HIVEP2: variants seen among roughly 807,000 people sequenced by gnomAD.
HIVEP2 encodes HIVEP zinc finger 2, also known as transcription factor HIVEP2.
In HIVEP2, 14 loss-of-function variants were observed where a neutral mutation model predicts 180.7. The observed-to-expected ratio is 0.08, with a 90% confidence interval of 0.05 to 0.12. HIVEP2 has a LOEUF of 0.12. Among genes scored for constraint, HIVEP2 ranks in the 10% least tolerant of loss-of-function variants. HIVEP2 has a pLI of 1.00. For missense variants in HIVEP2, 2,579 were observed against 3,008.5 expected, an observed-to-expected ratio of 0.86 and a Z score of 3.34; for synonymous variants, 1,184 against 1,136.4, an observed-to-expected ratio of 1.04 and a Z score of -0.84.
chr6:142,844,702 C>T (rs533193331), intron 1 of HIVEP2, among the ~76,000 whole-genome samples: 1 of 152,260 alleles, frequency 6.6e-6, no homozygotes, highest in African/African-American at 2.4e-5. Context: ...TGTAACACTG[C>T]GATTGGGCCG....
In HIVEP2 at chr6:142,773,717, C is replaced by A; in HGVS notation, c.1022G>T (p.Ser341Ile). 5 of 1,614,022 alleles carry A rather than the reference C, an allele frequency of 3.1e-6. No individual in the cohort carries two copies. The highest frequency in any genetic ancestry group is 3.3e-5 in the Admixed American group (2 of 60,012). The stretch of plus-strand genomic sequence containing the variant: ...CATATCAGGGCCAATATACTGAGAG[C>A]TTTCATTAGGGAGAGGAATCCCACT... ...PKSGIPLPNESSQYIGPDMLP... is the reference protein window; with the variant it reads ...PKSGIPLPNEISQYIGPDMLP... Residue 341 changes from serine (S) to isoleucine (I), a missense_variant, in exon 5 of 10, where the codon AGC (serine) becomes ATC (isoleucine). Ser to Ile is a moderately radical substitution (Grantham distance 142). This residue lies in a region of HIVEP2 where 142 missense variants were observed against 135.2 expected (regional missense o/e 1.05). Transcript: ENST00000367603.
rs530620703 is a variant in HIVEP2, at chr6:142,853,761, G to C, written c.-640-16714C>G. On this transcript the variant is annotated intron_variant, in intron 1 of 9. Transcript: ENST00000367603. The stretch of plus-strand genomic sequence containing the variant: ...GATGGGCCAGGGGCATCAGTAGGAA[G>C]AATCTCAGTGGCTCTTGTCTTTTGT... Among the ~76,000 whole-genome samples the C allele has an allele frequency of 2.0e-5, 3 of 152,334 alleles. No homozygotes were observed. The East Asian group carries it at 5.8e-4, about 29-fold the overall frequency.
intron 1 of HIVEP2, among the ~76,000 whole-genome samples, chr6:142,891,391 T>C (rs1776857619): frequency 6.6e-6 from 1 of 150,548 alleles, no homozygotes; most frequent in Non-Finnish European, 1.5e-5. Context: ...TCATCATACA[T>C]ATGTATGTTT....
At chr6:142,757,863 A>G (rs1731259175) in intron 9 of HIVEP2, among the ~76,000 whole-genome samples, 1 of 152,194 alleles carries the variant, frequency 6.6e-6, no homozygotes. Flanking sequence ...ATAAATTTTT[A>G]CAACCACAGC....
At chr6:142,918,609 CGTG>C (rs1777617412) in intron 1 of HIVEP2, among the ~76,000 whole-genome samples, 1 of 152,194 alleles carries the variant, frequency 6.6e-6, no homozygotes, top group African/African-American at 2.4e-5. Context: ...CTCTTCAGAA[CGTG>C]ATACCCTGAA....
At chr6:142,853,810 C>T (rs1775750918) in intron 1 of HIVEP2, among the ~76,000 whole-genome samples, 1 of 152,060 alleles carries the variant, frequency 6.6e-6, no homozygotes, top group Admixed American at 6.5e-5. Flanking sequence ...GTGGTCCAGG[C>T]ATTGGTAGCA....
At chr6:142,837,362 TG>T (rs2114881552) in intron 1 of HIVEP2, among the ~76,000 whole-genome samples, 1 of 152,086 alleles carries the variant, frequency 6.6e-6, no homozygotes, top group South Asian at 2.1e-4. Flanking sequence ...AAATTAGAGA[TG>T]GGGGAAAATG....
intron 2 of HIVEP2, among the ~76,000 whole-genome samples, chr6:142,800,696 G>A (rs1293486577): frequency 1.3e-5 from 2 of 152,138 alleles, no homozygotes; most frequent in South Asian, 4.2e-4. Flanking sequence ...GAATTTGAGA[G>A]GCTTAGGAGG....
chr6:142,760,434 C>T lies in HIVEP2; in HGVS notation c.5854G>A (p.Ala1952Thr), dbSNP rs140908741. 1.6e-4 allele frequency: 253 copies of T among 1,614,118 alleles called. 5 individuals carry two copies. Among genetic ancestry groups the T allele is most frequent in the African/African-American group, 1.3e-3 (95 of 75,020 alleles). ...RFSSLPVNVG[A>T]VPHGVPSDSS... ...TCTGAAGGAACCCCGTGGGGTACGGCGCCAACATTCACAGGCAAGGAGGAG... is the reference window on the plus strand; with the variant it reads ...TCTGAAGGAACCCCGTGGGGTACGGTGCCAACATTCACAGGCAAGGAGGAG... Residue 1952 changes from alanine to threonine, a missense_variant, in exon 9 of 10, where the codon GCC (alanine) becomes ACC (threonine). By Grantham distance (58) the Ala-to-Thr change is moderately conservative (BLOSUM62 0). Transcript: ENST00000367603.
intron 1 of HIVEP2, among the ~76,000 whole-genome samples, chr6:142,859,225 A>T (rs1775905510): frequency 6.6e-6 from 1 of 152,118 alleles, no homozygotes. Flanking sequence ...AGGCATAGCA[A>T]TAAGACTTAC....
rs773788055 is a variant in HIVEP2 at position 142,760,430 on chromosome 6, A to G, written c.5858T>C (p.Val1953Ala). The stretch of plus-strand genomic sequence containing the variant: ...ACTATCTGAAGGAACCCCGTGGGGT[A>G]CGGCGCCAACATTCACAGGCAAGGA... ...FSSLPVNVGAVPHGVPSDSSL... is the reference protein window; with the variant it reads ...FSSLPVNVGAAPHGVPSDSSL... Residue 1953 changes from valine to alanine, a missense_variant, in exon 9 of 10, where the codon GTA (valine) becomes GCA (alanine). This residue lies in a region of HIVEP2 where 660 missense variants were observed against 731.7 expected (regional missense o/e 0.90). Coordinates refer to ENST00000367603, the MANE Select transcript of HIVEP2 (RefSeq NM_006734.4). 1 of 1,614,146 alleles carries G rather than the reference A, an allele frequency of 6.2e-7. No individual in the cohort carries two copies. Among genetic ancestry groups the G allele is most frequent in the Admixed American group, 1.7e-5 (1 of 60,018 alleles).
intron 1 of HIVEP2, among the ~76,000 whole-genome samples, chr6:142,909,452 T>C (rs1363787948): frequency 1.3e-5 from 2 of 152,164 alleles, no homozygotes; most frequent in East Asian, 1.9e-4. Context: ...TAAGACAATT[T>C]AAATATAAAC....
intron 6 of HIVEP2, among the ~76,000 whole-genome samples, chr6:142,767,411 TC>T (rs1775404334): frequency 6.6e-6 from 1 of 152,166 alleles, no homozygotes; most frequent in African/African-American, 2.4e-5. Flanking sequence ...ATAATCCATC[TC>T]CAAACCGGTA....
At chr6:142,868,027 CAG>C (rs1015911387) in intron 1 of HIVEP2, among the ~76,000 whole-genome samples, 3 of 152,096 alleles carry the variant, frequency 2.0e-5, no homozygotes, top group Non-Finnish European at 4.4e-5. Context: ...AGATTAGAAA[CAG>C]AAAGGAAAAT....
chr6:142,796,877 CTT>C (rs1321679584), intron 2 of HIVEP2, among the ~76,000 whole-genome samples: 19 of 152,172 alleles, frequency 1.2e-4, no homozygotes, highest in Admixed American at 9.8e-4. Flanking sequence ...GCTTGCAACA[CTT>C]GAGCTCACTG....
At chr6:142,855,118 G>C (rs1775785507) in intron 1 of HIVEP2, among the ~76,000 whole-genome samples, 1 of 152,224 alleles carries the variant, frequency 6.6e-6, no homozygotes, top group African/African-American at 2.4e-5. Flanking sequence ...TAGGTAAGAG[G>C]GAGCTTATGA....
At chr6:142,846,607 C>T (rs1158792385) in intron 1 of HIVEP2, among the ~76,000 whole-genome samples, 1 of 152,196 alleles carries the variant, frequency 6.6e-6, no homozygotes, top group African/African-American at 2.4e-5. Context: ...ATCATACAGT[C>T]CCATTTTAGG....
chr6:142,812,596 T>C (rs1389736634), intron 2 of HIVEP2, among the ~76,000 whole-genome samples: 1 of 152,072 alleles, frequency 6.6e-6, no homozygotes, highest in Non-Finnish European at 1.5e-5. Flanking sequence ...AATCCGAAAT[T>C]ATGAAGTAGA....
intron 1 of HIVEP2, among the ~76,000 whole-genome samples, chr6:142,866,133 C>T (rs952067030): frequency 1.3e-5 from 2 of 152,134 alleles, no homozygotes; most frequent in Non-Finnish European, 2.9e-5. Flanking sequence ...GGTGAAGAGG[C>T]AAGCTCTAAA....
Sources: gnomAD v4.1 joint callset for allele counts (sites outside exome capture counted in the v4.1 genomes callset) on GRCh38, gnomAD v4.1.1 for gene constraint, gnomAD v4.1.1 regional missense constraint, MANE v1.5 for transcripts, NCBI Gene and HGNC (gene_info 2026-07-23, HGNC 2026-07-21) for gene names.